Variants in CNTN1 observed in about 807,000 individuals in gnomAD.
CNTN1 encodes the protein contactin-1.
CNTN1 carries 38 observed loss-of-function variants against 126.4 expected under a neutral mutation model. The observed-to-expected ratio is 0.30, with a 90% confidence interval of 0.23 to 0.39. The LOEUF (loss-of-function observed/expected upper bound fraction) is 0.39, where lower values mean the gene tolerates loss of function less well. Among genes scored for constraint, CNTN1 ranks in the 10% least tolerant of loss-of-function variants. The pLI is 1.00. For synonymous variants in CNTN1, 413 were observed against 422.6 expected (o/e 0.98, Z 0.28); for missense variants, 1,009 against 1,248.4 (o/e 0.81, Z 2.89).
At chr12:40,914,870 G>A (rs534787423) in intron 3 of CNTN1, among the ~76,000 whole-genome samples, 1 of 152,156 alleles carries the variant, frequency 6.6e-6, no homozygotes, top group Non-Finnish European at 1.5e-5. Flanking sequence ...CTCCAAAATT[G>A]TATATCCCCT....
At chr12:40,862,629 AG>A (rs1943155376) in intron 1 of CNTN1, among the ~76,000 whole-genome samples, 1 of 152,172 alleles carries the variant, frequency 6.6e-6, no homozygotes, top group East Asian at 1.9e-4. Context: ...TGAAGCTTTC[AG>A]CATCCAATGC....
chr12:40,970,051 G>T (rs180842010), intron 15 of CNTN1, among the ~76,000 whole-genome samples: 2 of 151,902 alleles, frequency 1.3e-5, no homozygotes, highest in Non-Finnish European at 2.9e-5. Context: ...AGAATTTCTC[G>T]AGAAGAAAGG....
intron 1 of CNTN1, among the ~76,000 whole-genome samples, chr12:40,828,867 C>T (rs1396926845): frequency 6.6e-6 from 1 of 152,124 alleles, no homozygotes; most frequent in East Asian, 1.9e-4. Flanking sequence ...TTGACTTCTA[C>T]CTGTGCTGGT....
intron 1 of CNTN1, among the ~76,000 whole-genome samples, chr12:40,791,087 G>A (rs1373775529): frequency 1.3e-5 from 2 of 152,118 alleles, no homozygotes; most frequent in African/African-American, 4.8e-5. Flanking sequence ...ACTTGTTTCC[G>A]TTAGCGTTAA....
chr12:41,060,291 GTTGAAAA>G (rs1183230585), intron 23 of CNTN1, among the ~76,000 whole-genome samples: 6 of 152,158 alleles, frequency 3.9e-5, no homozygotes, highest in Non-Finnish European at 7.3e-5. Context: ...CCATGTATCT[GTTGAAAA>G]TGTCCAAGAA....
At chr12:41,014,425 A>T (rs1566145631) in intron 18 of CNTN1, 127 bp downstream of exon 18, 1 of 936,110 alleles carries the variant, frequency 1.1e-6, no homozygotes, top group East Asian at 2.7e-5. Context: ...ATATATTACT[A>T]TTTTTTTTTC....
In CNTN1 at chr12:40,959,152, G is replaced by A. The variant is rs201122600; in HGVS notation, c.1722G>A (p.Gln574=). The change falls in exon 15 of 24, where the codon CAG becomes CAA. Residue 574 remains glutamine, a synonymous_variant. Transcript: ENST00000551295. ...SNGELLIRNA[Q]LKHAGRYTCT... Reference sequence around the variant, plus strand: ...GGGAATTACTAATCCGAAATGCGCAGCTGAAACATGCTGGAAGATACACAT... The same window carrying A: ...GGGAATTACTAATCCGAAATGCGCAACTGAAACATGCTGGAAGATACACAT... 3.7e-5 allele frequency: 60 copies of A among 1,612,680 alleles called. No homozygotes were observed. The African/African-American group carries it at 5.9e-4, about 16-fold the overall frequency.
intron 1 of CNTN1, among the ~76,000 whole-genome samples, chr12:40,819,137 C>T (rs775476238): frequency 1.3e-5 from 2 of 152,044 alleles, no homozygotes; most frequent in Non-Finnish European, 2.9e-5. Flanking sequence ...GTCTGACAAC[C>T]CCGGTTGGAG....
chr12:40,819,660 A>C (rs909086978), intron 1 of CNTN1, among the ~76,000 whole-genome samples: 1 of 152,094 alleles, frequency 6.6e-6, no homozygotes, highest in African/African-American at 2.4e-5. Flanking sequence ...AGGAGCTCAA[A>C]TGGCTTAGAC....
chr12:40,851,514 T>A (rs1404246365), intron 1 of CNTN1, among the ~76,000 whole-genome samples: 1 of 152,208 alleles, frequency 6.6e-6, no homozygotes, highest in Non-Finnish European at 1.5e-5. Flanking sequence ...ATTCTCAGCC[T>A]CTCTGGGGTT....
At chr12:40,948,432 C>A (rs1343781818) in intron 14 of CNTN1, among the ~76,000 whole-genome samples, 1 of 150,798 alleles carries the variant, frequency 6.6e-6, no homozygotes, top group Non-Finnish European at 1.5e-5. Flanking sequence ...TGTGGGCTTA[C>A]TGTTTAGACA....
intron 1 of CNTN1, among the ~76,000 whole-genome samples, chr12:40,702,236 C>G (rs923142088): frequency 1.4e-4 from 22 of 151,866 alleles, no homozygotes; most frequent in African/African-American, 5.3e-4. Context: ...ATGCCTGGCC[C>G]AGATTCCTTT....
chr12:40,883,659 T>C (rs1565881596), intron 1 of CNTN1, among the ~76,000 whole-genome samples: 1 of 151,526 alleles, frequency 6.6e-6, no homozygotes, highest in African/African-American at 2.4e-5. Context: ...CATCCTGTAA[T>C]AAGAAAGTGT....
At chr12:40,702,097 CG>C (rs2121114791) in intron 1 of CNTN1, among the ~76,000 whole-genome samples, 1 of 79,152 alleles carries the variant, frequency 1.3e-5, no homozygotes, top group East Asian at 5.3e-4. Flanking sequence ...ATTTTTGTAT[CG>C]GATTTTTTTT....
rs74076951 is a variant in CNTN1, at chr12:41,049,365, C to G, written c.2980+20146C>G. Among the ~76,000 whole-genome samples the G allele has an allele frequency of 3.1e-3, 467 of 152,312 alleles. 2 individuals carry two copies. The highest frequency in any genetic ancestry group is 0.011 in the African/African-American group (456 of 41,554). On this transcript the variant is annotated intron_variant, in intron 23 of 23. Transcript: ENST00000551295. The stretch of plus-strand genomic sequence containing the variant: ...TTCAGACATCTAATTTAAACTCTTC[C>G]CCATCTCCCTTTGTTTGCTTTTTCT...
Position 41,070,336 on chromosome 12 carries a change from T to G in CNTN1, c.*301T>G. The G allele has an allele frequency of 2.3e-6, 1 of 439,424 alleles. No homozygotes were observed. Among genetic ancestry groups the G allele is most frequent in the Non-Finnish European group, 4.2e-6 (1 of 236,054 alleles). 27.2% of individuals were successfully genotyped at this position (439,424 alleles called of 1,614,324 possible). A position where few individuals can be genotyped will look rare whatever the true frequency, so the allele number is the denominator to read the frequency against. ...TTTAACCCAATGGGACAAGTTACAG[T>G]GTTCAATTCAATACTATAGGCTGTA... On this transcript the variant is annotated 3_prime_UTR_variant, in exon 24 of 24. Coordinates refer to ENST00000551295, the MANE Select transcript of CNTN1 (RefSeq NM_001843.4).
intron 15 of CNTN1, among the ~76,000 whole-genome samples, chr12:40,973,183 G>A (rs1414148300): frequency 3.3e-5 from 5 of 151,982 alleles, no homozygotes; most frequent in African/African-American, 1.2e-4. Context: ...ATCAATATCA[G>A]AGGTTAAGAA....
chr12:40,944,269 T>G (rs2136953232), intron 14 of CNTN1, 99 bp downstream of exon 14: 1 of 1,173,292 alleles, frequency 8.5e-7, no homozygotes, highest in East Asian at 2.5e-5. Context: ...TCATCTTTGT[T>G]TTTCATGAGA....
intron 1 of CNTN1, among the ~76,000 whole-genome samples, chr12:40,777,334 TATA>T (rs1002064627): frequency 4.6e-5 from 7 of 151,548 alleles, no homozygotes; most frequent in African/African-American, 1.7e-4. Context: ...TCTGTGTGTA[TATA>T]ATAATAAGCT....
Sources: allele counts gnomAD v4.1 joint callset (sites outside exome capture counted in the v4.1 genomes callset), GRCh38; gene constraint gnomAD v4.1.1; transcripts MANE v1.5; gene names NCBI Gene and HGNC (gene_info 2026-07-23, HGNC 2026-07-21).